DNAH8: variants seen among roughly 807,000 people sequenced by gnomAD.
DNAH8 encodes dynein axonemal heavy chain 8, also known as axonemal beta dynein heavy chain 8.
A neutral mutation model predicts 562.1 loss-of-function variants in DNAH8; 382 were observed. The ratio of observed to expected loss-of-function variants is 0.68; its 90% CI spans 0.63 to 0.74. The LOEUF is 0.74. DNAH8 is among the 30% of genes least tolerant of loss of function. The pLI is 0.00. For missense variants in DNAH8, 5,203 were observed against 5,620.4 expected (o/e 0.93, Z 2.37); for synonymous variants, 1,881 against 1,919.4 (o/e 0.98, Z 0.52).
chr6:38,749,916 T>C (rs1265505730), intron 8 of DNAH8, among the ~76,000 whole-genome samples: 1 of 152,244 alleles, frequency 6.6e-6, no homozygotes, highest in African/African-American at 2.4e-5. Context: ...CACTGCAAGC[T>C]CCGCCTCCCG....
At chr6:38,719,396 TTCTTGTACCCCCAGTGTC>T (rs1762579360) in intron 1 of DNAH8, among the ~76,000 whole-genome samples, 1 of 152,084 alleles carries the variant, frequency 6.6e-6, no homozygotes, top group Non-Finnish European at 1.5e-5. Context: ...TCCCTTCCCC[TTCTTGTACCCCCAGTGTC>T]TCTTGTTTCC....
chr6:38,920,025 T>A (rs1781586907), intron 70 of DNAH8, among the ~76,000 whole-genome samples: 1 of 152,164 alleles, frequency 6.6e-6, no homozygotes, highest in South Asian at 2.1e-4. Context: ...GAAATATTCC[T>A]GGAAAATCTA....
intron 73 of DNAH8, among the ~76,000 whole-genome samples, chr6:38,925,482 C>T (rs1035867190): frequency 1.3e-5 from 2 of 151,914 alleles, no homozygotes; most frequent in Admixed American, 6.6e-5. Flanking sequence ...AGGCATGAAC[C>T]ACTGCGCCTG....
At chr6:38,881,497 T>A (rs1267827132) in intron 53 of DNAH8, among the ~76,000 whole-genome samples, 1 of 151,980 alleles carries the variant, frequency 6.6e-6, no homozygotes, top group Admixed American at 6.6e-5. Flanking sequence ...GTACCACAGG[T>A]TGTAAGGAAC....
chr6:38,975,247 A>G (rs1237676979), intron 85 of DNAH8, among the ~76,000 whole-genome samples: 1 of 152,230 alleles, frequency 6.6e-6, no homozygotes, highest in African/African-American at 2.4e-5. Flanking sequence ...TTTGTTCTGC[A>G]TCTGAATTTT....
chr6:38,900,996 A>G (rs1385096385), intron 62 of DNAH8, among the ~76,000 whole-genome samples: 1 of 149,474 alleles, frequency 6.7e-6, no homozygotes. Flanking sequence ...GCACCTTTTT[A>G]TCTCTCATTG....
chr6:38,786,691 G>A lies in DNAH8; in HGVS notation c.2396-74G>A, dbSNP rs1381865871. 2.2e-5 allele frequency: 33 copies of A among 1,486,484 alleles called. 1 individual carries two copies. The highest frequency in any genetic ancestry group is 9.1e-6 in the Non-Finnish European group (10 of 1,098,864). The allele number at this position is 1,486,484 out of a possible 1,614,324, so 92.1% of individuals were successfully genotyped here. ...AAGAAGTTAGTAATCCAGGGGGCAA[G>A]ACAGAAATATAAACACAGCTGGAAG... On this transcript the variant is annotated intron_variant, in intron 17 of 92. Coordinates refer to ENST00000327475, the MANE Select transcript of DNAH8 (RefSeq NM_001206927.2).
At chr6:38,887,823 A>G (rs1435379262) in intron 57 of DNAH8, among the ~76,000 whole-genome samples, 2 of 150,754 alleles carry the variant, frequency 1.3e-5, no homozygotes, top group African/African-American at 2.4e-5. Flanking sequence ...GTCAGAAGGG[A>G]AAGGGCAGAC....
intron 12 of DNAH8, among the ~76,000 whole-genome samples, chr6:38,772,191 G>C (rs1306110404): frequency 6.6e-6 from 1 of 151,866 alleles, no homozygotes; most frequent in Non-Finnish European, 1.5e-5. Flanking sequence ...ACTACGCCCG[G>C]CTAATTTTTT....
At position 38,931,797 on chromosome 6, in the gene DNAH8, G is replaced by T; in HGVS notation, c.11275-14G>T. 1 of 1,507,880 alleles carries T rather than the reference G, an allele frequency of 6.6e-7. No homozygotes were observed. Among genetic ancestry groups the T allele is most frequent in the East Asian group, 2.5e-5 (1 of 40,424 alleles). The allele number at this position is 1,507,880 out of a possible 1,614,324, so 93.4% of individuals were successfully genotyped here. On this transcript the variant is annotated splice_polypyrimidine_tract_variant and intron_variant, in intron 75 of 92. Transcript: ENST00000327475. Reference sequence around the variant, plus strand: ...CTTTAAGCTGTTTTTAATTTTATATGTGAATTTATGTAGGTGAAAGTCGGT... The same window carrying T: ...CTTTAAGCTGTTTTTAATTTTATATTTGAATTTATGTAGGTGAAAGTCGGT...
At chr6:38,993,757 C>T (rs1764951373) in intron 88 of DNAH8, among the ~76,000 whole-genome samples, 1 of 152,118 alleles carries the variant, frequency 6.6e-6, no homozygotes, top group South Asian at 2.1e-4. Flanking sequence ...TTATCTTCCT[C>T]ATATTTTTTT....
intron 81 of DNAH8, 121 bp downstream of exon 81, chr6:38,949,691 A>G: frequency 3.0e-6 from 2 of 658,392 alleles, no homozygotes; most frequent in South Asian, 2.0e-5. Context: ...AAAAACCGCA[A>G]TTACTTTTGT....
Position 38,872,567 on chromosome 6 carries a change from T to C in DNAH8, c.7022T>C (p.Leu2341Ser). 2.5e-6 allele frequency: 4 copies of C among 1,614,094 alleles called. No individual in the cohort carries two copies. The highest frequency in any genetic ancestry group is 3.4e-6 in the Non-Finnish European group (4 of 1,179,952). Residue 2341 changes from leucine to serine, a missense_variant, in exon 50 of 93, where the codon TTG (leucine) becomes TCG (serine). Physicochemically the swap from Leu to Ser is moderately radical, Grantham distance 145. This residue lies in a region of DNAH8 where 2,176 missense variants were observed against 2,365.1 expected (regional missense o/e 0.92). Transcript: ENST00000327475. The part of the protein sequence containing the change: ...LYETSLVRHG[L>S]MTLGPSGSGK... ...GAGACGTCTTTGGTACGGCATGGCT[T>C]GATGACTCTTGGGCCCAGTGGTTCT...
At chr6:38,917,720 T>G (rs181648264) in intron 69 of DNAH8, among the ~76,000 whole-genome samples, 1 of 152,222 alleles carries the variant, frequency 6.6e-6, no homozygotes, top group Non-Finnish European at 1.5e-5. Context: ...CTTACATAGC[T>G]TTTCTTCTTT....
intron 48 of DNAH8, 53 bp downstream of exon 48, chr6:38,868,249 A>G (rs1325501552): frequency 3.9e-6 from 6 of 1,541,334 alleles, no homozygotes; most frequent in African/African-American, 2.8e-5. Context: ...GTTTCTTTCT[A>G]TTTGGTGGAC....
chr6:38,737,176 C>G lies in DNAH8; in HGVS notation c.872C>G (p.Ala291Gly). Residue 291 changes from alanine (A) to glycine (G), a missense_variant, in exon 6 of 93, where the codon GCT becomes GGT. Around this residue, in one of 6 missense-constraint regions of DNAH8, gnomAD observed 556 missense variants for 496.9 expected, o/e 1.12. Transcript: ENST00000327475. The stretch of plus-strand genomic sequence containing the variant: ...GTTCTTGCAACAAACAACTGGGGTG[C>G]TTTAAACCAGTCCAAGCAGGGAGAA... ...PAVLATNNWGALNQSKQGESE... is the reference protein window; with the variant it reads ...PAVLATNNWGGLNQSKQGESE... 1 of 1,573,008 alleles carries G rather than the reference C, an allele frequency of 6.4e-7. No homozygotes were observed. Among genetic ancestry groups the G allele is most frequent in the Non-Finnish European group, 8.6e-7 (1 of 1,161,208 alleles).
At chr6:38,760,750 T>G (rs1249030571) in intron 10 of DNAH8, among the ~76,000 whole-genome samples, 1 of 152,134 alleles carries the variant, frequency 6.6e-6, no homozygotes, top group Admixed American at 6.5e-5. Flanking sequence ...GTTTAAAAGA[T>G]CCTGGCATCT....
At chr6:38,764,102 A>G (rs1311717692) in intron 11 of DNAH8, 2 of 153,492 alleles carry the variant, frequency 1.3e-5, no homozygotes, top group East Asian at 1.9e-4. Context: ...ATAGGCTTCA[A>G]CTAGCAAGTT....
intron 82 of DNAH8, among the ~76,000 whole-genome samples, chr6:38,958,071 G>A (rs982523788): frequency 3.3e-5 from 5 of 150,040 alleles, no homozygotes; most frequent in East Asian, 2.0e-4. Flanking sequence ...GTGAGATCTC[G>A]GCTCACTGCA....
Sources: gnomAD v4.1 joint callset for allele counts (sites outside exome capture counted in the v4.1 genomes callset) on GRCh38, gnomAD v4.1.1 for gene constraint, gnomAD v4.1.1 regional missense constraint, MANE v1.5 for transcripts, NCBI Gene and HGNC (gene_info 2026-07-23, HGNC 2026-07-21) for gene names.